Variants in LRRC37A2 observed in about 807,000 individuals in gnomAD.
LRRC37A2 encodes the protein leucine rich repeat containing 37 member A2, also known as leucine-rich repeat-containing protein 37A2.
In LRRC37A2, 9 loss-of-function variants were observed where a neutral mutation model predicts 68.8. The ratio of observed to expected loss-of-function variants is 0.13; its 90% CI spans 0.08 to 0.23. The LOEUF (loss-of-function observed/expected upper bound fraction) is 0.23. Ranked by LOEUF, LRRC37A2 falls within the 10% of genes least tolerant of loss-of-function variation. LRRC37A2 has a pLI of 1.00. For missense variants in LRRC37A2, 168 were observed against 950.4 expected, an observed-to-expected ratio of 0.18 and a Z score of 10.82; for synonymous variants, 63 against 367.6, an observed-to-expected ratio of 0.17 and a Z score of 9.48.
chr17:46,860,052 TG>T, the LRRC37A2 span, among the ~76,000 whole-genome samples: 2 of 152,252 alleles, frequency 1.3e-5, no homozygotes, highest in South Asian at 4.2e-4. Flanking sequence ...TTTACTGCTT[TG>T]GGGGTGGTGG....
the LRRC37A2 span, among the ~76,000 whole-genome samples, chr17:46,493,045 C>G: frequency 2.8e-5 from 4 of 143,286 alleles, no homozygotes; most frequent in African/African-American, 1.1e-4. Flanking sequence ...ATGGTGGTAG[C>G]TTCTTCTGGT....
At chr17:46,953,151 C>T in the LRRC37A2 span, among the ~76,000 whole-genome samples, 8 of 152,066 alleles carry the variant, frequency 5.3e-5, no homozygotes, top group East Asian at 1.5e-3. Context: ...CACCCATTAA[C>T]TCGTCATTTA....
chr17:46,953,500 A>G, the LRRC37A2 span, among the ~76,000 whole-genome samples: 4 of 152,314 alleles, frequency 2.6e-5, no homozygotes, highest in East Asian at 3.9e-4. Context: ...TAGTGCCGCA[A>G]TAAACATACG....
the LRRC37A2 span, among the ~76,000 whole-genome samples, chr17:46,779,103 A>ACACACACACACCCCCC: frequency 2.2e-4 from 30 of 133,652 alleles, no homozygotes; most frequent in Admixed American, 1.2e-3. Context: ...ACACACACAC[A>ACACACACACACCCCCC]CCCCAGCCCA....
chr17:46,844,501 C>T, the LRRC37A2 span, among the ~76,000 whole-genome samples: 1 of 152,112 alleles, frequency 6.6e-6, no homozygotes, highest in Non-Finnish European at 1.5e-5. Flanking sequence ...TTCCTGTAAA[C>T]TTATTTGTAC....
chr17:46,820,920 G>A, the LRRC37A2 span, among the ~76,000 whole-genome samples: 104 of 152,214 alleles, frequency 6.8e-4, 1 homozygote, highest in African/African-American at 2.0e-3. Context: ...ATGGTGGGGC[G>A]ACAGGGCCTG....
the LRRC37A2 span, among the ~76,000 whole-genome samples, chr17:47,003,759 C>G: frequency 6.6e-6 from 1 of 151,784 alleles, no homozygotes; most frequent in Non-Finnish European, 1.5e-5. Context: ...CTAGGGTACA[C>G]GTGCACAATG....
chr17:46,858,951 G>T, the LRRC37A2 span, among the ~76,000 whole-genome samples: 1 of 151,156 alleles, frequency 6.6e-6, no homozygotes, highest in Non-Finnish European at 1.5e-5. Context: ...ATTGGCATGA[G>T]CCACAGCTAG....
At chr17:47,028,329 G>A in the LRRC37A2 span, 1 of 1,510,186 alleles carries the variant, frequency 6.6e-7, no homozygotes, top group Non-Finnish European at 9.2e-7. Context: ...AACATTTCAG[G>A]CCTGGCACGA....
chr17:46,532,421 C>T (rs959782167), intron 6 of LRRC37A2, among the ~76,000 whole-genome samples: 1 of 149,914 alleles, frequency 6.7e-6, no homozygotes. Flanking sequence ...GTTAATATCA[C>T]CCTCATAGAA....
the LRRC37A2 span, among the ~76,000 whole-genome samples, chr17:46,800,606 G>A: frequency 6.6e-6 from 1 of 152,230 alleles, no homozygotes; most frequent in Non-Finnish European, 1.5e-5. Flanking sequence ...GGTCTTCCTG[G>A]CAGAGCATCA....
At chr17:46,745,742 G>T in the LRRC37A2 span, among the ~76,000 whole-genome samples, 1 of 152,160 alleles carries the variant, frequency 6.6e-6, no homozygotes, top group Admixed American at 6.5e-5. Flanking sequence ...CAGCATGTGT[G>T]GCCTTTGGCA....
At chr17:47,003,243 CAAAAAAAAAAA>C in the LRRC37A2 span, among the ~76,000 whole-genome samples, 946 of 73,234 alleles carry the variant, frequency 0.013, 11 homozygotes, top group African/African-American at 0.047. Flanking sequence ...AATAGAGACT[CAAAAAAAAAAA>C]AAAAAAAAAA....
the LRRC37A2 span, chr17:46,968,718 A>G: frequency 6.6e-6 from 1 of 152,432 alleles, no homozygotes; most frequent in African/African-American, 2.4e-5. Flanking sequence ...GCACCTCTAC[A>G]ATGGCCATGC....
chr17:46,657,499 A>G, the LRRC37A2 span, among the ~76,000 whole-genome samples: 6 of 144,704 alleles, frequency 4.1e-5, no homozygotes, highest in Non-Finnish European at 6.1e-5. Flanking sequence ...AGAAATAGAA[A>G]CTTTTTCAGA....
chr17:47,019,545 C>G, the LRRC37A2 span: 6 of 1,493,768 alleles, frequency 4.0e-6, no homozygotes, highest in Non-Finnish European at 5.6e-6. Flanking sequence ...GACTCTGCAT[C>G]GAAAACTGAC....
chr17:46,818,534 C>A, the LRRC37A2 span: 1 of 1,608,108 alleles, frequency 6.2e-7, no homozygotes, highest in Non-Finnish European at 8.5e-7. Context: ...ATTGGGTAGC[C>A]AGCGAGGACC....
At chr17:46,823,160 T>TATATATTATATATTTATATATA in the LRRC37A2 span, among the ~76,000 whole-genome samples, 1 of 130,410 alleles carries the variant, frequency 7.7e-6, no homozygotes, top group South Asian at 2.2e-4. Flanking sequence ...ATTTATATAT[T>TATATATTATATATTTATATATA]ATATATTATA....
chr17:46,488,488 C>T, the LRRC37A2 span, among the ~76,000 whole-genome samples: 2 of 68,294 alleles, frequency 2.9e-5, no homozygotes, highest in African/African-American at 1.2e-4. Context: ...GGGCGGATCA[C>T]GAGGTCAGGA....
Sources: allele counts gnomAD v4.1 joint callset (sites outside exome capture counted in the v4.1 genomes callset), GRCh38; gene constraint gnomAD v4.1.1; transcripts MANE v1.5; gene names NCBI Gene and HGNC (gene_info 2026-07-23, HGNC 2026-07-21).